The following SUN2 variants were observed in gnomAD, a reference collection of about 807,000 sequenced individuals.
SUN2 encodes SUN domain-containing protein 2.
In SUN2, 60 loss-of-function variants were observed where a neutral mutation model predicts 100.0. The observed-to-expected ratio is 0.60, with a 90% CI of 0.49 to 0.74. The LOEUF is 0.74. Among genes scored for constraint, SUN2 ranks in the 30% least tolerant of loss-of-function variants. The probability of loss-of-function intolerance (pLI) is 0.00; values close to 1 mark genes in which losing one functional copy is unlikely to be tolerated. For synonymous variants in SUN2, 367 were observed against 403.3 expected, an observed-to-expected ratio of 0.91 and a Z score of 1.08; for missense variants, 834 against 954.6, an observed-to-expected ratio of 0.87 and a Z score of 1.66.
intron 7 of SUN2, 29 bp downstream of exon 7, chr22:38,748,684 C>T (rs185534698): frequency 6.2e-7 from 1 of 1,613,790 alleles, no homozygotes; most frequent in Admixed American, 1.7e-5. Flanking sequence ...ATCTCTGTGC[C>T]TCCCTCTGCT....
At chr22:38,743,172 T>A (rs2092874486) in intron 8 of SUN2, 1 of 152,216 alleles carries the variant, frequency 6.6e-6, no homozygotes, top group Non-Finnish European at 1.5e-5. Flanking sequence ...AACAACAAAA[T>A]CATTGCCAAG....
In SUN2 at chr22:38,748,853, C is replaced by T. The variant is rs982506340; in HGVS notation, c.615-70G>A. On this transcript the variant is annotated intron_variant, in intron 6 of 17. Coordinates refer to ENST00000689035, the MANE Select transcript of SUN2 (RefSeq NM_015374.3). ...GGGAGCTCCAGGCCTCCACGTTCCA[C>T]CCAGGGAGTACCCTGAGATGTTTTC... 6.8e-6 allele frequency: 10 copies of T among 1,472,916 alleles called. No individual in the cohort carries two copies. The Admixed American group carries it at 1.5e-4, about 22-fold the overall frequency. 91.2% of individuals were successfully genotyped at this position (1,472,916 alleles called of 1,614,324 possible). A position where few individuals can be genotyped will look rare whatever the true frequency, so the allele number is the denominator to read the frequency against.
intron 1 of SUN2, among the ~76,000 whole-genome samples, chr22:38,753,035 G>A (rs1454096353): frequency 6.6e-6 from 1 of 152,136 alleles, no homozygotes; most frequent in Non-Finnish European, 1.5e-5. Context: ...CAGAGACTCT[G>A]GTGCTTCTGG....
At position 38,735,039 on chromosome 22, in the gene SUN2, C is replaced by G. The variant is rs547013634; in HGVS notation, c.*1228G>C. The G allele has an allele frequency of 5.7e-5, 18 of 315,766 alleles. No individual in the cohort carries two copies. The highest frequency in any genetic ancestry group is 1.3e-4 in the Admixed American group (3 of 22,300). 19.6% of individuals were successfully genotyped at this position (315,766 alleles called of 1,614,324 possible). A position where few individuals can be genotyped will look rare whatever the true frequency, so the allele number is the denominator to read the frequency against. On this transcript the variant is annotated 3_prime_UTR_variant, in exon 18 of 18. Coordinates refer to ENST00000689035, the MANE Select transcript of SUN2 (RefSeq NM_015374.3). ...CCAGGAACAAGAAACTGAGTATCAC[C>G]CAGTGCCCCACAGAACGGGGCTAGG...
Position 38,745,713 on chromosome 22 carries a change from C to T in SUN2, c.784G>A (p.Glu262Lys), listed in dbSNP as rs756666747. 16 of 1,613,964 alleles carry T rather than the reference C, an allele frequency of 9.9e-6. No individual in the cohort carries two copies. The highest frequency in any genetic ancestry group is 1.4e-5 in the Non-Finnish European group (16 of 1,180,030). Reference sequence around the variant, plus strand: ...AAATGTGGCGATGAGTCTCTGGCTTCCCAGCCCTCATCCGGCCTCCTGCTG... The same window carrying T: ...AAATGTGGCGATGAGTCTCTGGCTTTCCAGCCCTCATCCGGCCTCCTGCTG... ...KDSRRPDEGW[E>K]ARDSSPHFQA... Residue 262 changes from glutamate (E) to lysine (K), a missense_variant, in exon 8 of 18, where the codon GAA (glutamate) becomes AAA (lysine). Transcript: ENST00000689035.
At chr22:38,750,419 C>T (rs2092936259) in intron 4 of SUN2, 99 bp from the exon 5 acceptor site, 1 of 1,551,520 alleles carries the variant, frequency 6.4e-7, no homozygotes, top group African/African-American at 1.4e-5. Context: ...CACCCTCCTT[C>T]ACATCCCCAC....
chr22:38,740,241 GCAGGGCCC>G lies in SUN2; in HGVS notation c.1356+18_1356+25del. On this transcript the variant is annotated intron_variant, in intron 12 of 17. Transcript: ENST00000689035. The surrounding 1 kb of genome is among the most constrained non-coding windows in gnomAD (Gnocchi z 4.8). ...TCTCAAAGGAGGAGGAGAGGGACCA[GCAGGGCCC>G]TGGTGGTTCCCACTCACGTCGTCCC... 1 of 1,527,476 alleles carries G rather than the reference GCAGGGCCC, an allele frequency of 6.5e-7. No individual in the cohort carries two copies. Among genetic ancestry groups the G allele is most frequent in the Non-Finnish European group, 8.8e-7 (1 of 1,134,308 alleles). 94.6% of individuals were successfully genotyped at this position (1,527,476 alleles called of 1,614,324 possible). A position where few individuals can be genotyped will look rare whatever the true frequency, so the allele number is the denominator to read the frequency against.
At position 38,739,048 on chromosome 22, in the gene SUN2, C is replaced by T; in HGVS notation, c.1664-60G>A. ...CACGGGAGGAGGGCCCCGCTCAGGC[C>T]ATTGGCTGTCTCCTCGCTGAAGGTG... On this transcript the variant is annotated intron_variant, in intron 14 of 17. Coordinates refer to ENST00000689035, the MANE Select transcript of SUN2 (RefSeq NM_015374.3). This position sits in a 1 kb window ranked among gnomAD's most constrained non-coding sequence, Gnocchi z 6.7. The T allele has an allele frequency of 6.7e-7, 1 of 1,497,668 alleles. No homozygotes were observed. The highest frequency in any genetic ancestry group is 9.1e-7 in the Non-Finnish European group (1 of 1,096,232). 92.8% of individuals were successfully genotyped at this position (1,497,668 alleles called of 1,614,324 possible).
intron 8 of SUN2, chr22:38,745,234 A>G (rs953297814): frequency 6.4e-6 from 3 of 468,580 alleles, no homozygotes; most frequent in Non-Finnish European, 1.3e-5. Flanking sequence ...GGCCTTGACC[A>G]GCTGGCCCCC....
In SUN2 at chr22:38,755,046, G is replaced by A; in HGVS notation, c.-38+717C>T. The A allele has an allele frequency of 9.1e-7, 1 of 1,096,194 alleles. No homozygotes were observed. The highest frequency in any genetic ancestry group is 1.2e-6 in the Non-Finnish European group (1 of 848,844). 67.9% of individuals were successfully genotyped at this position (1,096,194 alleles called of 1,614,324 possible). A position where few individuals can be genotyped will look rare whatever the true frequency, so the allele number is the denominator to read the frequency against. ...CCTCCCTAACAATCAGTTAGGAAAC[G>A]CTCATCGGAAAGCATCCTTCCCCAC... is the stretch of plus-strand genomic sequence containing the variant. On this transcript the variant is annotated intron_variant, in intron 1 of 17. Coordinates refer to ENST00000689035, the MANE Select transcript of SUN2 (RefSeq NM_015374.3). The surrounding 1 kb of genome is among the most constrained non-coding windows in gnomAD (Gnocchi z 5.7).
At position 38,752,786 on chromosome 22, in the gene SUN2, G is replaced by C. The variant is rs866297311; in HGVS notation, c.-37-121C>G. On this transcript the variant is annotated intron_variant, in intron 1 of 17. Coordinates refer to ENST00000689035, the MANE Select transcript of SUN2 (RefSeq NM_015374.3). Reference sequence around the variant, plus strand: ...AGAACAGACCACCCCCCCGGCCCCCGGCCCCCGGCGTTCAGTCTAAACAGC... The same window carrying C: ...AGAACAGACCACCCCCCCGGCCCCCCGCCCCCGGCGTTCAGTCTAAACAGC... The C allele has an allele frequency of 6.0e-6, 7 of 1,160,514 alleles. No individual in the cohort carries two copies. The African/African-American group carries it at 1.1e-4, about 18-fold the overall frequency. 71.9% of individuals were successfully genotyped at this position (1,160,514 alleles called of 1,614,324 possible).
Position 38,755,582 on chromosome 22 carries a change from G to T in SUN2, c.-38+181C>A. The stretch of plus-strand genomic sequence containing the variant: ...CCAGTGGCGCGGCAGGCGGGGCGGG[G>T]GCCAGGAGGTGAGTCAGGGCGCGGG... On this transcript the variant is annotated intron_variant, in intron 1 of 17. Coordinates refer to ENST00000689035, the MANE Select transcript of SUN2 (RefSeq NM_015374.3). This position sits in a 1 kb window ranked among gnomAD's most constrained non-coding sequence, Gnocchi z 5.7. 4.2e-6 allele frequency: 4 copies of T among 949,472 alleles called. No homozygotes were observed. Among genetic ancestry groups the T allele is most frequent in the Non-Finnish European group, 5.0e-6 (4 of 796,882 alleles). 58.8% of individuals were successfully genotyped at this position (949,472 alleles called of 1,614,324 possible).
intron 5 of SUN2, 69 bp downstream of exon 5, chr22:38,750,156 C>A (rs1474577212): frequency 5.1e-6 from 8 of 1,570,078 alleles, no homozygotes; most frequent in Non-Finnish European, 6.9e-6. Context: ...GGATGCCCAA[C>A]TGCAGAGAGA....
chr22:38,752,854 C>G (rs904729982), intron 1 of SUN2, among the ~76,000 whole-genome samples, 189 bp from the exon 2 acceptor site: 3 of 152,214 alleles, frequency 2.0e-5, no homozygotes, highest in Non-Finnish European at 4.4e-5. Flanking sequence ...CACCCCTGCA[C>G]TGTGCAGCGG....
At position 38,742,380 on chromosome 22, in the gene SUN2, G is replaced by A. The variant is rs564884199; in HGVS notation, c.989C>T (p.Ala330Val). The part of the protein sequence containing the change: ...GGGLSHEDTL[A>V]LLEGLVSRRE... ...GCGGCTCACTAGCCCCTCCAGCAGC[G>A]CCAGGGTGTCCTCGTGGCTCAGGCC... Residue 330 changes from alanine (A) to valine (V), a missense_variant, in exon 9 of 18, where the codon GCG becomes GTG. This residue lies in a region of SUN2 where 559 missense variants were observed against 597.7 expected (regional missense o/e 0.94). Coordinates refer to ENST00000689035, the MANE Select transcript of SUN2 (RefSeq NM_015374.3). The A allele has an allele frequency of 1.6e-5, 26 of 1,613,252 alleles. No homozygotes were observed. The highest frequency in any genetic ancestry group is 8.9e-5 in the East Asian group (4 of 44,856).
chr22:38,746,010 T>G (rs1182337206), intron 7 of SUN2, among the ~76,000 whole-genome samples, 199 bp from the exon 8 acceptor site: 1 of 152,234 alleles, frequency 6.6e-6, no homozygotes, highest in East Asian at 1.9e-4. Context: ...CAGAGCATAT[T>G]CATTCTCACA....
rs1411116694 is a variant in SUN2, at chr22:38,737,292, C to G, written c.2040+881G>C. On this transcript the variant is annotated intron_variant, in intron 17 of 17. Coordinates refer to ENST00000689035, the MANE Select transcript of SUN2 (RefSeq NM_015374.3). The surrounding 1 kb of genome is among the most constrained non-coding windows in gnomAD (Gnocchi z 4.1). ...CCTCAGACTCAGCCAGACCTGCCCC[C>G]TGCTCCACATCAGCCCCCATCGCAG... is the stretch of plus-strand genomic sequence containing the variant. Among the ~76,000 whole-genome samples the G allele has an allele frequency of 6.6e-6, 1 of 152,112 alleles. No individual in the cohort carries two copies. The highest frequency in any genetic ancestry group is 1.9e-4 in the East Asian group (1 of 5,186).
Position 38,753,937 on chromosome 22 carries a change from T to C in SUN2, c.-37-1272A>G, listed in dbSNP as rs1451811501. On this transcript the variant is annotated intron_variant, in intron 1 of 17. Coordinates refer to ENST00000689035, the MANE Select transcript of SUN2 (RefSeq NM_015374.3). ...TAGTTGTGTGTCCTCAGCTAGAATC[T>C]TTTTTAGCCTCACACATGCGCAAAA... is the stretch of plus-strand genomic sequence containing the variant. 1.1e-4 allele frequency among the ~76,000 whole-genome samples: 17 copies of C among 152,196 alleles called. 1 individual carries two copies. Among genetic ancestry groups the C allele is most frequent in the Non-Finnish European group, 2.4e-4 (16 of 68,034 alleles).
Position 38,745,672 on chromosome 22 carries a change from T to C in SUN2, c.813+12A>G, listed in dbSNP as rs1036460449. 2 of 1,612,866 alleles carry C rather than the reference T, an allele frequency of 1.2e-6. No homozygotes were observed. Among genetic ancestry groups the C allele is most frequent in the Non-Finnish European group, 8.5e-7 (1 of 1,179,822 alleles). ...GCTAAGCTCTTGGGAGCTACCACCC[T>C]CAGAGACTCACCTGGAAATGTGGCG... On this transcript the variant is annotated intron_variant, in intron 8 of 17. Coordinates refer to ENST00000689035, the MANE Select transcript of SUN2 (RefSeq NM_015374.3).
Sources: allele counts gnomAD v4.1 joint callset (sites outside exome capture counted in the v4.1 genomes callset), GRCh38; gene constraint gnomAD v4.1.1; regional missense constraint gnomAD v4.1.1; non-coding constraint Gnocchi (gnomAD v3.1); transcripts MANE v1.5; gene names NCBI Gene and HGNC (gene_info 2026-07-23, HGNC 2026-07-21).